RPH3AL: variants seen among roughly 807,000 people sequenced by gnomAD.
The protein encoded by RPH3AL is rab effector Noc2.
In RPH3AL, 38 loss-of-function variants were observed where a neutral mutation model predicts 43.1. That is an observed-to-expected ratio of 0.88 (90% CI 0.68 to 1.15). RPH3AL has a LOEUF of 1.15. Among genes scored for constraint, RPH3AL ranks in the 50% most tolerant of loss-of-function variants. The pLI is 0.00. For missense variants in RPH3AL, 462 were observed against 423.2 expected (o/e 1.09, Z -0.81); for synonymous variants, 189 against 176.3 (o/e 1.07, Z -0.57).
intron 6 of RPH3AL, among the ~76,000 whole-genome samples, chr17:257,175 A>G (rs1208807455): frequency 1.8e-5 from 1 of 56,190 alleles, no homozygotes; most frequent in African/African-American, 5.8e-5. Flanking sequence ...TACCCTACGT[A>G]CTTCCTATGA....
intron 5 of RPH3AL, among the ~76,000 whole-genome samples, chr17:302,704 A>C (rs2043359186): frequency 6.6e-6 from 1 of 152,232 alleles, no homozygotes. Flanking sequence ...CGCCTGGAAA[A>C]GGGGAGCTAC....
chr17:218,261 T>C (rs901184348), intron 8 of RPH3AL, among the ~76,000 whole-genome samples: 9 of 133,540 alleles, frequency 6.7e-5, no homozygotes, highest in African/African-American at 1.7e-4. Flanking sequence ...GCAGTTATTA[T>C]GGAGCCCTTT....
chr17:321,263 C>T lies in RPH3AL; in HGVS notation c.221+9G>A. ...TCCTCCCACTGAGCTGGCCCCGGCC[C>T]CGCCTCACCCGATTCTCTGCTGCTC... On this transcript the variant is annotated intron_variant, in intron 4 of 9. Coordinates refer to ENST00000331302, the MANE Select transcript of RPH3AL (RefSeq NM_006987.4). 6.2e-7 allele frequency: 1 copy of T among 1,604,050 alleles called. No individual in the cohort carries two copies.
intron 7 of RPH3AL, among the ~76,000 whole-genome samples, chr17:235,402 G>A (rs1182482180): frequency 5.6e-5 from 8 of 143,546 alleles, no homozygotes; most frequent in East Asian, 4.2e-4. Flanking sequence ...GACAGGTCCC[G>A]GGTTCAAAGC....
In RPH3AL at chr17:274,344, C is replaced by T. The variant is rs1230425138; in HGVS notation, c.438+7424G>A. Among the ~76,000 whole-genome samples the T allele has an allele frequency of 1.3e-5, 2 of 152,218 alleles. No homozygotes were observed. The highest frequency in any genetic ancestry group is 2.9e-5 in the Non-Finnish European group (2 of 68,038). ...GGGCCTCGCCTGCCCACCTGGGCCT[C>T]GCCTGCCTGGCTGGAGTAGGGGCAG... On this transcript the variant is annotated intron_variant, in intron 6 of 9. Transcript: ENST00000331302. The surrounding 1 kb of genome is among the most constrained non-coding windows in gnomAD (Gnocchi z 4.7).
rs557987143 is a variant in RPH3AL at position 311,107 on chromosome 17, C to T, written c.351+8313G>A. On this transcript the variant is annotated intron_variant, in intron 5 of 9. Transcript: ENST00000331302. ...GCCCATTCACTGCTCAAATGCAGCT[C>T]GTCCCCTGAAAGACTCCACCCTCTT... Among the ~76,000 whole-genome samples, 170 of 152,274 alleles carry T rather than the reference C, an allele frequency of 1.1e-3. 1 individual carries two copies. Among genetic ancestry groups the T allele is most frequent in the Admixed American group, 8.0e-3 (123 of 15,300 alleles).
intron 6 of RPH3AL, among the ~76,000 whole-genome samples, chr17:260,349 C>CT (rs2042169297): frequency 6.6e-6 from 1 of 152,206 alleles, no homozygotes; most frequent in Admixed American, 6.5e-5. Flanking sequence ...CTCAGACTCG[C>CT]CCACCTTCCT....
intron 6 of RPH3AL, among the ~76,000 whole-genome samples, chr17:271,562 A>G (rs964629444): frequency 2.0e-5 from 3 of 152,128 alleles, no homozygotes; most frequent in African/African-American, 7.2e-5. Flanking sequence ...TTCACTCATG[A>G]TTTGGTACTC....
intron 5 of RPH3AL, among the ~76,000 whole-genome samples, chr17:297,771 T>A (rs1462457860): frequency 6.6e-6 from 1 of 152,118 alleles, no homozygotes; most frequent in Non-Finnish European, 1.5e-5. Context: ...ACCATCCCCT[T>A]CCCTAGAATC....
intron 5 of RPH3AL, among the ~76,000 whole-genome samples, chr17:317,107 C>T (rs1377187981): frequency 6.7e-6 from 1 of 149,622 alleles, no homozygotes; most frequent in Non-Finnish European, 1.5e-5. Context: ...GACCTGTAGT[C>T]CCTGTGACTC....
chr17:219,500 T>G (rs1205130665), intron 8 of RPH3AL, 123 bp downstream of exon 8: 5 of 567,096 alleles, frequency 8.8e-6, no homozygotes, highest in Admixed American at 6.1e-5. Flanking sequence ...CCCGGCCTAA[T>G]AGTTTCATTT....
intron 5 of RPH3AL, among the ~76,000 whole-genome samples, chr17:312,257 T>C (rs1567503844): frequency 6.6e-6 from 1 of 152,022 alleles, no homozygotes; most frequent in African/African-American, 2.4e-5. Flanking sequence ...ACAATGATCA[T>C]GCCACTGCAC....
rs1448312355 is a variant in RPH3AL, at chr17:346,464, G to T, written c.-213+6248C>A. On this transcript the variant is annotated intron_variant, in intron 1 of 9. Transcript: ENST00000331302. ...TCACGTCTTACATAAACGGCAGCAG[G>T]CAAAGAGAGAGCTTGTGCAGGAAAA... 2.2e-5 allele frequency among the ~76,000 whole-genome samples: 3 copies of T among 134,698 alleles called. 1 individual carries two copies. The highest frequency in any genetic ancestry group is 5.1e-5 in the Non-Finnish European group (3 of 59,240). 88.4% of individuals were successfully genotyped at this position (134,698 alleles called of 152,430 possible).
intron 1 of RPH3AL, among the ~76,000 whole-genome samples, chr17:349,953 C>A (rs2045320946): frequency 6.6e-6 from 1 of 152,340 alleles, no homozygotes; most frequent in East Asian, 1.9e-4. Context: ...CACACCCACA[C>A]AGAGGAGCAC....
Position 333,098 on chromosome 17 carries a change from G to T in RPH3AL, c.-37+661C>A, listed in dbSNP as rs769257847. 2 of 1,283,352 alleles carry T rather than the reference G, an allele frequency of 1.6e-6. No individual in the cohort carries two copies. The highest frequency in any genetic ancestry group is 2.5e-5 in the South Asian group (2 of 80,176). The allele number at this position is 1,283,352 out of a possible 1,614,324, so 79.5% of individuals were successfully genotyped here. ...TCTAAAGTCGAGAGCTCACCACCCC[G>T]GGCGTTCGTCACTGCAGACATCACT... On this transcript the variant is annotated intron_variant, in intron 2 of 9. Transcript: ENST00000331302. The surrounding 1 kb of genome is among the most constrained non-coding windows in gnomAD (Gnocchi z 4.5).
intron 1 of RPH3AL, among the ~76,000 whole-genome samples, chr17:336,173 A>G (rs2044948517): frequency 6.6e-6 from 1 of 151,984 alleles, no homozygotes; most frequent in Non-Finnish European, 1.5e-5. Flanking sequence ...ATCCGAGGGG[A>G]CCCTTAGCAA....
chr17:256,066 G>A (rs1293244889), intron 6 of RPH3AL, among the ~76,000 whole-genome samples: 1 of 38,006 alleles, frequency 2.6e-5, no homozygotes, highest in African/African-American at 8.4e-5. Context: ...CACGGCGTCT[G>A]TCCTTTTCCA....
chr17:293,905 C>A (rs7501694), intron 5 of RPH3AL, among the ~76,000 whole-genome samples: 2 of 151,904 alleles, frequency 1.3e-5, no homozygotes, highest in African/African-American at 4.8e-5. Flanking sequence ...GGTACTCACC[C>A]GGAATCCCAG....
chr17:282,735 G>C (rs1185989357), intron 5 of RPH3AL, among the ~76,000 whole-genome samples: 2 of 152,238 alleles, frequency 1.3e-5, no homozygotes, highest in Admixed American at 1.3e-4. Flanking sequence ...AGATGGTATA[G>C]CCGGCTGCAC....
Sources: gnomAD v4.1 joint callset for allele counts (sites outside exome capture counted in the v4.1 genomes callset) on GRCh38, gnomAD v4.1.1 for gene constraint, Gnocchi (gnomAD v3.1) non-coding constraint, MANE v1.5 for transcripts, NCBI Gene and HGNC (gene_info 2026-07-23, HGNC 2026-07-21) for gene names.